STYXL1: variants seen among roughly 807,000 people sequenced by gnomAD.
The protein encoded by STYXL1 is serine/threonine/tyrosine interacting like 1, also known as serine/threonine/tyrosine-interacting-like protein 1.
A neutral mutation model predicts 36.4 loss-of-function variants in STYXL1; 32 were observed. That is an observed-to-expected ratio of 0.88 (90% CI 0.66 to 1.18). STYXL1 has a LOEUF of 1.18. Ranked by LOEUF, STYXL1 falls within the 50% of genes most tolerant of loss-of-function variation. The pLI is 0.00. For synonymous variants in STYXL1, 133 were observed against 144.1 expected (o/e 0.92, Z 0.55); for missense variants, 354 against 394.1 (o/e 0.90, Z 0.86).
At position 76,021,936 on chromosome 7, in the gene STYXL1, G is replaced by A. The variant is rs782738178; in HGVS notation, c.222C>T (p.Cys74=). 25 of 1,613,022 alleles carry A rather than the reference G, an allele frequency of 1.5e-5. No homozygotes were observed. The highest frequency in any genetic ancestry group is 3.3e-4 in the Middle Eastern group (2 of 6,084). ...ESVDLECVKY[C]VVYDNNSSTL... ...TGCTGCTGTTGTTATCATACACCAC[G>A]CAGTACTTCACACACTCCAGGTCCA... is the stretch of plus-strand genomic sequence containing the variant. The change falls in exon 4 of 9, where the codon TGC becomes TGT. Residue 74 remains cysteine, a synonymous_variant. Transcript: ENST00000359697.
At chr7:76,042,987 G>C (rs1796618290) in intron 1 of STYXL1, among the ~76,000 whole-genome samples, 1 of 152,186 alleles carries the variant, frequency 6.6e-6, no homozygotes. Flanking sequence ...CTGGCGAGCT[G>C]TTGGCAAAGC....
intron 5 of STYXL1, among the ~76,000 whole-genome samples, chr7:76,005,902 G>C (rs1791688394): frequency 2.6e-5 from 2 of 77,962 alleles, no homozygotes; most frequent in Admixed American, 1.2e-4. Flanking sequence ...GAGGAGGAGA[G>C]AGGAGGAGGA....
Position 75,999,511 on chromosome 7 carries a change from A to ATGTGTGTGTGTGTG in STYXL1, c.810+1365_810+1378dup, listed in dbSNP as rs71301271. ...TTTTGTTGTGTGTGTGTGTGTGTGTATGTGTGTGTGTGTGTGTGTGTGTGT... is the reference window on the plus strand; with the variant it reads ...TTTTGTTGTGTGTGTGTGTGTGTGTATGTGTGTGTGTGTGTGTGTGTGTGTGTGTGTGTGTGTGT... On this transcript the variant is annotated intron_variant, in intron 8 of 8. Coordinates refer to ENST00000359697, the MANE Select transcript of STYXL1 (RefSeq NM_001317785.2). 8.5e-3 allele frequency among the ~76,000 whole-genome samples: 817 copies of ATGTGTGTGTGTGTG among 95,856 alleles called. 5 individuals are homozygous for ATGTGTGTGTGTGTG. Among genetic ancestry groups the ATGTGTGTGTGTGTG allele is most frequent in the Middle Eastern group, 0.027 (5 of 188 alleles). 62.9% of individuals were successfully genotyped at this position (95,856 alleles called of 152,430 possible). A position where few individuals can be genotyped will look rare whatever the true frequency, so the allele number is the denominator to read the frequency against.
intron 1 of STYXL1, among the ~76,000 whole-genome samples, chr7:76,041,286 A>G (rs1198720840): frequency 6.6e-6 from 1 of 152,152 alleles, no homozygotes; most frequent in Non-Finnish European, 1.5e-5. Context: ...CTAATACCAA[A>G]ATCTGATAGC....
intron 6 of STYXL1, among the ~76,000 whole-genome samples, chr7:76,004,501 C>T (rs1321371904): frequency 2.0e-5 from 3 of 150,274 alleles, no homozygotes; most frequent in South Asian, 2.1e-4. Context: ...GTCAGGAGTT[C>T]GAGACCAGCC....
At chr7:76,008,712 A>G (rs1792147126) in intron 5 of STYXL1, among the ~76,000 whole-genome samples, 1 of 152,204 alleles carries the variant, frequency 6.6e-6, no homozygotes, top group East Asian at 1.9e-4. Context: ...CCACTTAAAA[A>G]TCTCGCTAAA....
chr7:75,999,555 A>ATATT (rs797035108), intron 8 of STYXL1, among the ~76,000 whole-genome samples: 7 of 84,188 alleles, frequency 8.3e-5, no homozygotes, highest in South Asian at 4.8e-4. Context: ...GTGTGTGTAT[A>ATATT]TTTTTTTTTG....
rs781996968 is a variant in STYXL1 at position 75,996,459 on chromosome 7, C to G, written c.*9G>C. On this transcript the variant is annotated 3_prime_UTR_variant, in exon 9 of 9. Transcript: ENST00000359697. ...CTCTTCAGTACCCTTCGGTGGGCCT[C>G]GGAGAAGATCAGTAGAGCGGATCCA... The G allele has an allele frequency of 1.2e-6, 2 of 1,614,158 alleles. No individual in the cohort carries two copies. Among genetic ancestry groups the G allele is most frequent in the South Asian group, 1.1e-5 (1 of 91,076 alleles).
At chr7:76,021,217 G>T (rs1794021461) in intron 4 of STYXL1, among the ~76,000 whole-genome samples, 1 of 151,998 alleles carries the variant, frequency 6.6e-6, no homozygotes. Context: ...AGCTAGCAGG[G>T]ACTACAGGCG....
intron 3 of STYXL1, among the ~76,000 whole-genome samples, chr7:76,024,481 G>T (rs1554577135): frequency 6.6e-6 from 1 of 152,078 alleles, no homozygotes; most frequent in African/African-American, 2.4e-5. Context: ...GCTGGGTGTG[G>T]TGGTGCACAC....
At position 76,037,121 on chromosome 7, in the gene STYXL1, T is replaced by G. The variant is rs998516581; in HGVS notation, c.-4-6594A>C. Among the ~76,000 whole-genome samples the G allele has an allele frequency of 2.0e-4, 30 of 149,946 alleles. 3 individuals are homozygous for G. The highest frequency in any genetic ancestry group is 3.3e-3 in the Middle Eastern group (1 of 304). ...GAGACCCTTGGTGGGGTGTGGTAGC[T>G]CACACCTGTAATCTCTGCATTTTGG... On this transcript the variant is annotated intron_variant, in intron 1 of 8. Coordinates refer to ENST00000359697, the MANE Select transcript of STYXL1 (RefSeq NM_001317785.2).
At chr7:76,046,485 T>C (rs1797099741) in intron 1 of STYXL1, among the ~76,000 whole-genome samples, 1 of 151,912 alleles carries the variant, frequency 6.6e-6, no homozygotes, top group Non-Finnish European at 1.5e-5. Flanking sequence ...TAGCTGGGAC[T>C]ACAGGCACAC....
rs71082378 is a variant in STYXL1 at position 76,036,782 on chromosome 7, C to CTTTT, written c.-4-6259_-4-6256dup. Among the ~76,000 whole-genome samples the CTTTT allele has an allele frequency of 3.2e-4, 33 of 101,606 alleles. 1 individual carries two copies. Among genetic ancestry groups the CTTTT allele is most frequent in the African/African-American group, 3.9e-4 (11 of 28,512 alleles). The allele number at this position is 101,606 out of a possible 152,430, so 66.7% of individuals were successfully genotyped here. A position where few individuals can be genotyped will look rare whatever the true frequency, so the allele number is the denominator to read the frequency against. On this transcript the variant is annotated intron_variant, in intron 1 of 8. Coordinates refer to ENST00000359697, the MANE Select transcript of STYXL1 (RefSeq NM_001317785.2). ...AGGACTCTTTCAACACAGTATAGCT[C>CTTTT]TTTTTTTTTTTTTTTTTTTTGAGAC...
At chr7:76,016,374 A>G (rs531262416) in intron 4 of STYXL1, among the ~76,000 whole-genome samples, 1 of 148,956 alleles carries the variant, frequency 6.7e-6, no homozygotes, top group South Asian at 2.1e-4. Context: ...GTGCACATAT[A>G]TAGCGTATAT....
chr7:76,005,843 G>A (rs1226539082), intron 5 of STYXL1, among the ~76,000 whole-genome samples: 1 of 22,914 alleles, frequency 4.4e-5, no homozygotes, highest in African/African-American at 1.5e-4. Context: ...AGAGGAGGAG[G>A]AAGAGAGAGG....
chr7:76,028,504 G>C (rs1054850348), intron 3 of STYXL1, 138 bp downstream of exon 3: 10 of 745,444 alleles, frequency 1.3e-5, no homozygotes, highest in Admixed American at 1.1e-4. Flanking sequence ...GGTGAGAGGT[G>C]TGGAAGACCA....
At chr7:76,015,747 C>T (rs1202507918) in intron 4 of STYXL1, among the ~76,000 whole-genome samples, 2 of 152,144 alleles carry the variant, frequency 1.3e-5, no homozygotes, top group South Asian at 2.1e-4. Flanking sequence ...TGATCCTGGG[C>T]GTGTCTGTGA....
At chr7:76,005,912 A>T (rs1186558992) in intron 5 of STYXL1, among the ~76,000 whole-genome samples, 1 of 124,774 alleles carries the variant, frequency 8.0e-6, no homozygotes, top group Non-Finnish European at 1.7e-5. Flanking sequence ...GAGGAGGAGG[A>T]GGAGGAGGAG....
chr7:76,028,094 G>C (rs1365821639), intron 3 of STYXL1, among the ~76,000 whole-genome samples: 1 of 152,110 alleles, frequency 6.6e-6, no homozygotes, highest in African/African-American at 2.4e-5. Flanking sequence ...GAGTACAGTG[G>C]CGTGATCTCA....
Sources: gnomAD v4.1 joint callset for allele counts (sites outside exome capture counted in the v4.1 genomes callset) on GRCh38, gnomAD v4.1.1 for gene constraint, MANE v1.5 for transcripts, NCBI Gene and HGNC (gene_info 2026-07-23, HGNC 2026-07-21) for gene names.